GALNT13: variants seen among roughly 807,000 people sequenced by gnomAD.
The protein encoded by GALNT13 is polypeptide N-acetylgalactosaminyltransferase 13, also known as UDP-GalNAc:polypeptide N-acetylgalactosaminyltransferase 13.
Under a neutral mutation model 64.2 loss-of-function variants are expected in GALNT13, and 28 were observed. The observed-to-expected ratio is 0.44, with a 90% CI of 0.32 to 0.60. The LOEUF (loss-of-function observed/expected upper bound fraction) is 0.60. Among genes scored for constraint, GALNT13 ranks in the 20% least tolerant of loss-of-function variants. The pLI is 0.05. For missense variants in GALNT13, 577 were observed against 669.8 expected (o/e 0.86, Z 1.53); for synonymous variants, 214 against 224.6 (o/e 0.95, Z 0.42).
At chr2:153,817,901 G>T in the GALNT13 span, among the ~76,000 whole-genome samples, 3 of 152,166 alleles carry the variant, frequency 2.0e-5, no homozygotes, top group African/African-American at 7.2e-5. Flanking sequence ...ATTAAGGAGG[G>T]GGAGGTTCAA....
At position 153,986,442 on chromosome 2, in the gene GALNT13, C is replaced by T. The variant is rs573274321; in HGVS notation, c.142+41803C>T. 3.9e-5 allele frequency among the ~76,000 whole-genome samples: 6 copies of T among 152,120 alleles called. No individual in the cohort carries two copies. The South Asian group carries it at 1.2e-3, about 32-fold the overall frequency. On this transcript the variant is annotated intron_variant, in intron 3 of 12. Transcript: ENST00000392825. ...ACAGTATACTTGGTCATATAATACACATCCGCAATATTGATACTGGGATTT... is the reference window on the plus strand; with the variant it reads ...ACAGTATACTTGGTCATATAATACATATCCGCAATATTGATACTGGGATTT...
chr2:153,969,358 C>T (rs1370104729), intron 3 of GALNT13, among the ~76,000 whole-genome samples: 2 of 151,706 alleles, frequency 1.3e-5, no homozygotes, highest in African/African-American at 4.8e-5. Flanking sequence ...TAAAAATTAC[C>T]TAAAAAAATA....
chr2:154,280,330 A>C (rs899816042), intron 8 of GALNT13, among the ~76,000 whole-genome samples: 2 of 152,108 alleles, frequency 1.3e-5, no homozygotes, highest in Non-Finnish European at 2.9e-5. Flanking sequence ...TTCTTTTTCT[A>C]TGCCCCAGAG....
At chr2:154,150,919 C>G (rs1683970386) in intron 4 of GALNT13, among the ~76,000 whole-genome samples, 1 of 152,178 alleles carries the variant, frequency 6.6e-6, no homozygotes, top group African/African-American at 2.4e-5. Context: ...TTTTTTGTGT[C>G]TCTATTTCCT....
At chr2:153,628,849 T>G in the GALNT13 span, among the ~76,000 whole-genome samples, 2 of 152,152 alleles carry the variant, frequency 1.3e-5, no homozygotes, top group African/African-American at 4.8e-5. Context: ...ATCAGGATGA[T>G]GCTGGCCTCA....
At chr2:153,434,465 G>A in the GALNT13 span, among the ~76,000 whole-genome samples, 33 of 152,184 alleles carry the variant, frequency 2.2e-4, no homozygotes, top group African/African-American at 5.5e-4. Flanking sequence ...AAGTGTTCCT[G>A]TTTCTCCACA....
chr2:153,704,034 T>C, the GALNT13 span, among the ~76,000 whole-genome samples: 5 of 152,204 alleles, frequency 3.3e-5, no homozygotes, highest in Non-Finnish European at 7.4e-5. Context: ...TGTTTTATTA[T>C]ATTTTTCAGT....
At chr2:153,120,662 A>T in the GALNT13 span, among the ~76,000 whole-genome samples, 1 of 152,218 alleles carries the variant, frequency 6.6e-6, no homozygotes, top group East Asian at 1.9e-4. Context: ...TCTGGAAATT[A>T]GTTTTTATCT....
chr2:154,096,551 C>T (rs1014882321), intron 3 of GALNT13, among the ~76,000 whole-genome samples: 2 of 152,038 alleles, frequency 1.3e-5, no homozygotes, highest in African/African-American at 4.8e-5. Context: ...TCATCTCTTA[C>T]AGAATCTTCT....
At chr2:153,241,297 G>T in the GALNT13 span, among the ~76,000 whole-genome samples, 1 of 152,170 alleles carries the variant, frequency 6.6e-6, no homozygotes, top group Admixed American at 6.5e-5. Flanking sequence ...AAAACCAACA[G>T]GGACCAATGG....
intron 1 of GALNT13, among the ~76,000 whole-genome samples, chr2:153,890,683 AC>A (rs1687489599): frequency 6.6e-6 from 1 of 152,080 alleles, no homozygotes; most frequent in Non-Finnish European, 1.5e-5. Context: ...AGAAGAGAAA[AC>A]AAAAGGAAAG....
chr2:153,131,269 A>G, the GALNT13 span, among the ~76,000 whole-genome samples: 694 of 152,336 alleles, frequency 4.6e-3, 13 homozygotes, highest in Admixed American at 0.017. Context: ...CCTTTGGACA[A>G]GATACATTTT....
At chr2:153,432,701 A>G in the GALNT13 span, among the ~76,000 whole-genome samples, 1 of 151,300 alleles carries the variant, frequency 6.6e-6, no homozygotes, top group South Asian at 2.1e-4. Flanking sequence ...AACCCTTTGC[A>G]GAGTTTTTGG....
intron 4 of GALNT13, among the ~76,000 whole-genome samples, chr2:154,156,635 G>T (rs759960002): frequency 5.9e-5 from 9 of 152,036 alleles, no homozygotes; most frequent in Admixed American, 1.3e-4. Context: ...ACTTCCTCAG[G>T]GTCATGCAGC....
At chr2:153,529,606 TA>T in the GALNT13 span, among the ~76,000 whole-genome samples, 4 of 150,678 alleles carry the variant, frequency 2.7e-5, no homozygotes, top group Admixed American at 1.3e-4. Context: ...AAAGACACAT[TA>T]AAAAAAATAC....
intron 3 of GALNT13, among the ~76,000 whole-genome samples, chr2:154,056,269 A>G (rs1273812397): frequency 2.0e-5 from 3 of 152,176 alleles, no homozygotes; most frequent in Non-Finnish European, 4.4e-5. Flanking sequence ...TTTATTTTTA[A>G]AAAATCTTAA....
chr2:154,033,374 A>C (rs1698461667), intron 3 of GALNT13, among the ~76,000 whole-genome samples: 1 of 152,106 alleles, frequency 6.6e-6, no homozygotes, highest in Non-Finnish European at 1.5e-5. Context: ...GACAATGGGA[A>C]GCAAACCACA....
chr2:154,302,735 G>A (rs1343787842), intron 9 of GALNT13, among the ~76,000 whole-genome samples: 2 of 152,178 alleles, frequency 1.3e-5, no homozygotes, highest in African/African-American at 2.4e-5. Flanking sequence ...TCAAGTTATT[G>A]TCTAAATACC....
intron 4 of GALNT13, among the ~76,000 whole-genome samples, chr2:154,184,385 A>G (rs1253743452): frequency 6.6e-6 from 1 of 151,984 alleles, no homozygotes; most frequent in African/African-American, 2.4e-5. Flanking sequence ...ACTTCTTTAT[A>G]CTTGAAGTAA....
Sources: allele counts gnomAD v4.1 joint callset (sites outside exome capture counted in the v4.1 genomes callset), GRCh38; gene constraint gnomAD v4.1.1; transcripts MANE v1.5; gene names NCBI Gene and HGNC (gene_info 2026-07-23, HGNC 2026-07-21).